MAGI2: variants seen among roughly 807,000 people sequenced by gnomAD.
The protein encoded by MAGI2 is membrane associated guanylate kinase, WW and PDZ domain containing 2, also known as membrane-associated guanylate kinase, WW and PDZ domain-containing protein 2.
A neutral mutation model predicts 133.3 loss-of-function variants in MAGI2; 35 were observed. The observed-to-expected ratio is 0.26, with a 90% CI of 0.20 to 0.35. The LOEUF is 0.35. Among genes scored for constraint, MAGI2 ranks in the 10% least tolerant of loss-of-function variants. The probability of loss-of-function intolerance (pLI) is 1.00; values close to 1 mark genes in which losing one functional copy is unlikely to be tolerated. For missense variants in MAGI2, 1,636 were observed against 1,863.4 expected (o/e 0.88, Z 2.25); for synonymous variants, 729 against 710.6 (o/e 1.03, Z -0.41).
At chr7:79,304,092 G>T (rs185979545) in intron 1 of MAGI2, among the ~76,000 whole-genome samples, 109 of 151,928 alleles carry the variant, frequency 7.2e-4, no homozygotes, top group Non-Finnish European at 1.4e-3. Flanking sequence ...TATCACTGAA[G>T]GATAACTGTG....
At chr7:78,644,150 A>G (rs191795726) in intron 2 of MAGI2, among the ~76,000 whole-genome samples, 73 of 152,286 alleles carry the variant, frequency 4.8e-4, no homozygotes, top group Non-Finnish European at 8.1e-4. Context: ...ATGTTTATGT[A>G]TTTAATTAGA....
At chr7:79,125,328 T>C in intron 1 of MAGI2, 1 of 468,662 alleles carries the variant, frequency 2.1e-6, no homozygotes, top group East Asian at 5.2e-5. Flanking sequence ...GGCATGGTTC[T>C]GGAAACTTTG....
intron 11 of MAGI2, 114 bp downstream of exon 11, chr7:78,201,048 A>G: frequency 1.5e-6 from 1 of 667,656 alleles, no homozygotes; most frequent in Non-Finnish European, 2.5e-6. Flanking sequence ...TTTTTTTTAC[A>G]TCACAGACTC....
intron 21 of MAGI2, among the ~76,000 whole-genome samples, chr7:78,069,062 A>C (rs1157909667): frequency 6.6e-6 from 1 of 152,182 alleles, no homozygotes; most frequent in Non-Finnish European, 1.5e-5. Context: ...TCAGATTGTC[A>C]AAAAGGCCTG....
At chr7:79,075,630 G>A (rs952173430) in intron 1 of MAGI2, among the ~76,000 whole-genome samples, 16 of 152,034 alleles carry the variant, frequency 1.1e-4, no homozygotes, top group Non-Finnish European at 1.5e-5. Flanking sequence ...ATGCATGGTG[G>A]TGTGTGCCTG....
At chr7:78,559,136 C>CAAAAAAAA (rs71085541) in intron 3 of MAGI2, among the ~76,000 whole-genome samples, 10 of 54,726 alleles carry the variant, frequency 1.8e-4, no homozygotes, top group African/African-American at 3.2e-4. Context: ...TCTGAATTTC[C>CAAAAAAAA]AAAAAAAAAA....
At chr7:78,904,529 T>TTTTC (rs1216366876) in intron 2 of MAGI2, among the ~76,000 whole-genome samples, 13 of 150,762 alleles carry the variant, frequency 8.6e-5, no homozygotes, top group African/African-American at 3.2e-4. Context: ...GCAGTTCTTT[T>TTTTC]TTTTTTTTTT....
At chr7:78,726,799 A>C (rs893023076) in intron 2 of MAGI2, among the ~76,000 whole-genome samples, 3 of 152,222 alleles carry the variant, frequency 2.0e-5, no homozygotes, top group Non-Finnish European at 4.4e-5. Context: ...GAAAATTTAA[A>C]GATCTATGTA....
At chr7:79,415,620 T>C (rs563908715) in intron 1 of MAGI2, 1 of 152,086 alleles carries the variant, frequency 6.6e-6, no homozygotes, top group African/African-American at 2.4e-5. Context: ...TGGTGAAAAA[T>C]CACAGAAAAT....
intron 9 of MAGI2, among the ~76,000 whole-genome samples, chr7:78,317,751 T>C (rs1787573628): frequency 6.6e-6 from 1 of 152,144 alleles, no homozygotes; most frequent in African/African-American, 2.4e-5. Context: ...CTGGTTGGCA[T>C]ATGGTGGGTG....
chr7:78,218,773 C>T (rs941418470), intron 10 of MAGI2, among the ~76,000 whole-genome samples: 11 of 152,262 alleles, frequency 7.2e-5, no homozygotes, highest in Middle Eastern at 3.4e-3. Flanking sequence ...GCATTAGTAG[C>T]GTGGGGCTCA....
chr7:78,946,590 G>A (rs1348559451), intron 2 of MAGI2: 1 of 152,138 alleles, frequency 6.6e-6, no homozygotes, highest in Admixed American at 6.5e-5. Flanking sequence ...GCCTAAACTT[G>A]TCTTTCTGGC....
Position 78,545,054 on chromosome 7 carries a change from T to C in MAGI2, c.539-23409A>G, listed in dbSNP as rs1269199643. ...TGCCTATTCATTGTCTCGGCATCCC[T>C]ATTAGACTTTAAGCTCCTAGAGGGC... On this transcript the variant is annotated intron_variant, in intron 3 of 21. Transcript: ENST00000354212. Among the ~76,000 whole-genome samples the C allele has an allele frequency of 2.0e-5, 3 of 151,606 alleles. No homozygotes were observed. In the East Asian group the frequency reaches 5.8e-4, roughly 29 times the overall value.
At chr7:78,347,655 A>G (rs889838448) in intron 7 of MAGI2, among the ~76,000 whole-genome samples, 3 of 152,182 alleles carry the variant, frequency 2.0e-5, no homozygotes, top group African/African-American at 4.8e-5. Flanking sequence ...TTTTTCATCC[A>G]TAAGAAAGGC....
At chr7:78,888,351 T>G (rs982846280) in intron 2 of MAGI2, among the ~76,000 whole-genome samples, 1 of 152,234 alleles carries the variant, frequency 6.6e-6, no homozygotes, top group African/African-American at 2.4e-5. Flanking sequence ...CAGACTTCAA[T>G]GTCCCTGTCT....
intron 2 of MAGI2, among the ~76,000 whole-genome samples, chr7:78,647,449 C>T (rs930025032): frequency 3.9e-5 from 6 of 152,100 alleles, no homozygotes; most frequent in African/African-American, 1.4e-4. Context: ...AATGAGATAC[C>T]ATCTCATGCC....
chr7:79,427,296 G>A (rs902766834), intron 1 of MAGI2, among the ~76,000 whole-genome samples: 2 of 152,094 alleles, frequency 1.3e-5, no homozygotes, highest in African/African-American at 4.8e-5. Context: ...GTTGATAGGT[G>A]CAGCAAATCA....
Position 78,019,189 on chromosome 7 carries a change from G to T in MAGI2, c.*126C>A. 2.6e-6 allele frequency: 3 copies of T among 1,139,670 alleles called. No individual in the cohort carries two copies. Among genetic ancestry groups the T allele is most frequent in the Non-Finnish European group, 3.7e-6 (3 of 812,664 alleles). The allele number at this position is 1,139,670 out of a possible 1,614,324, so 70.6% of individuals were successfully genotyped here. On this transcript the variant is annotated 3_prime_UTR_variant, in exon 22 of 22. Coordinates refer to ENST00000354212, the MANE Select transcript of MAGI2 (RefSeq NM_012301.4). Reference sequence around the variant, plus strand: ...CGGACACGTGGGACTTCACGTCGATGCTCCCAGGCCTTGGTGCCTCGTGGA... The same window carrying T: ...CGGACACGTGGGACTTCACGTCGATTCTCCCAGGCCTTGGTGCCTCGTGGA...
intron 1 of MAGI2, among the ~76,000 whole-genome samples, chr7:79,118,057 A>G (rs962993023): frequency 5.3e-5 from 8 of 152,338 alleles, no homozygotes; most frequent in African/African-American, 1.4e-4. Context: ...GCTTTATTAA[A>G]TGCGATGCAA....
Sources: gnomAD v4.1 joint callset for allele counts (sites outside exome capture counted in the v4.1 genomes callset) on GRCh38, gnomAD v4.1.1 for gene constraint, MANE v1.5 for transcripts, NCBI Gene and HGNC (gene_info 2026-07-23, HGNC 2026-07-21) for gene names.